CHFR: variants seen among roughly 807,000 people sequenced by gnomAD.
CHFR encodes E3 ubiquitin-protein ligase CHFR.
In CHFR, 57 loss-of-function variants were observed where a neutral mutation model predicts 87.6. The ratio of observed to expected loss-of-function variants is 0.65; its 90% CI spans 0.53 to 0.81. The LOEUF is 0.81. CHFR is among the 30% of genes least tolerant of loss of function. The pLI, the probability that CHFR is intolerant of heterozygous loss-of-function variation, is 0.00. For missense variants in CHFR, 797 were observed against 865.8 expected (o/e 0.92, Z 1.00); for synonymous variants, 381 against 359.2 (o/e 1.06, Z -0.69).
At chr12:132,886,373 C>T (rs201884962) in intron 2 of CHFR, among the ~76,000 whole-genome samples, 1 of 24,508 alleles carries the variant, frequency 4.1e-5, no homozygotes, top group Non-Finnish European at 2.4e-4. Flanking sequence ...GTGAAATTAA[C>T]CAAAAAAAAA....
At chr12:132,860,321 T>C (rs982911555) in intron 7 of CHFR, among the ~76,000 whole-genome samples, 33 of 152,354 alleles carry the variant, frequency 2.2e-4, no homozygotes, top group African/African-American at 7.7e-4. Flanking sequence ...TTCATGATAC[T>C]GTATTTGTAT....
Position 132,848,761 on chromosome 12 carries a change from C to T in CHFR, c.1493-37G>A, listed in dbSNP as rs74828084. The T allele has an allele frequency of 2.6e-3, 3,781 of 1,466,298 alleles. 84 individuals carry two copies. In the African/African-American group the frequency reaches 0.047, roughly 18 times the overall value. 90.8% of individuals were successfully genotyped at this position (1,466,298 alleles called of 1,614,324 possible). ...GGACACTCGTTACACGCACTCAGCG[C>T]TGAGGGCTGTCTCCAACACAATTCG... On this transcript the variant is annotated intron_variant, in intron 12 of 17. Coordinates refer to ENST00000450056, the MANE Select transcript of CHFR (RefSeq NM_001161346.2).
Position 132,841,455 on chromosome 12 carries a change from C to T in CHFR, c.*99G>A. On this transcript the variant is annotated 3_prime_UTR_variant, in exon 18 of 18. Coordinates refer to ENST00000450056, the MANE Select transcript of CHFR (RefSeq NM_001161346.2). ...GTCGGAGACCCTGCGTCCCTTCCCT[C>T]AGGGGGCTGTGAAAACACCTTGACG... The T allele has an allele frequency of 9.3e-7, 1 of 1,072,002 alleles. No individual in the cohort carries two copies. Among genetic ancestry groups the T allele is most frequent in the Non-Finnish European group, 1.5e-6 (1 of 687,630 alleles). 66.4% of individuals were successfully genotyped at this position (1,072,002 alleles called of 1,614,324 possible). A position where few individuals can be genotyped will look rare whatever the true frequency, so the allele number is the denominator to read the frequency against.
At chr12:132,880,112 T>C (rs1481768735) in intron 2 of CHFR, among the ~76,000 whole-genome samples, 2 of 152,126 alleles carry the variant, frequency 1.3e-5, no homozygotes, top group Non-Finnish European at 2.9e-5. Context: ...CAAAGCAATT[T>C]TGAAAAAGAA....
At chr12:132,866,055 G>T (rs1204566102) in intron 6 of CHFR, 2 of 152,220 alleles carry the variant, frequency 1.3e-5, no homozygotes, top group Non-Finnish European at 2.9e-5. Flanking sequence ...GTAAATCAAA[G>T]AGGCTCTGAG....
intron 2 of CHFR, among the ~76,000 whole-genome samples, chr12:132,878,834 A>G (rs1951695879): frequency 1.4e-5 from 1 of 72,062 alleles, no homozygotes; most frequent in African/African-American, 3.8e-5. Context: ...AAAAAAAAAG[A>G]AAAAAAAAAA....
chr12:132,874,289 G>C (rs1951564046), intron 3 of CHFR, among the ~76,000 whole-genome samples: 1 of 152,292 alleles, frequency 6.6e-6, no homozygotes, highest in Admixed American at 6.5e-5. Context: ...CCCTGAAGCA[G>C]GCGGGACGGC....
At chr12:132,861,919 C>A in intron 6 of CHFR, 1 of 398,724 alleles carries the variant, frequency 2.5e-6, no homozygotes. Context: ...CCGAGTCTAA[C>A]GCAGGGCAAA....
intron 6 of CHFR, chr12:132,866,697 C>T (rs537998604): frequency 6.6e-6 from 1 of 152,340 alleles, no homozygotes; most frequent in East Asian, 1.9e-4. Flanking sequence ...TGTTACAACA[C>T]ACCAGAATGT....
At chr12:132,880,552 G>A (rs889225215) in intron 2 of CHFR, among the ~76,000 whole-genome samples, 1 of 152,062 alleles carries the variant, frequency 6.6e-6, no homozygotes, top group African/African-American at 2.4e-5. Flanking sequence ...CAGCTACTCA[G>A]GAGGCTGAGG....
rs986590936 is a variant in CHFR, at chr12:132,861,759, A to C, written c.584-125T>G. 8.5e-6 allele frequency: 7 copies of C among 818,862 alleles called. No individual in the cohort carries two copies. In the Admixed American group the frequency reaches 1.0e-4, roughly 12 times the overall value. The allele number at this position is 818,862 out of a possible 1,614,324, so 50.7% of individuals were successfully genotyped here. Reference sequence around the variant, plus strand: ...CCTGAGATGTCGTAGTTTAGGAATGACAAGTGGCTTACGAGGAGTGTGTGC... The same window carrying C: ...CCTGAGATGTCGTAGTTTAGGAATGCCAAGTGGCTTACGAGGAGTGTGTGC... On this transcript the variant is annotated intron_variant, in intron 6 of 17. Transcript: ENST00000450056.
intron 2 of CHFR, among the ~76,000 whole-genome samples, chr12:132,882,768 C>G (rs1489146045): frequency 2.0e-5 from 3 of 151,716 alleles, no homozygotes; most frequent in Non-Finnish European, 2.9e-5. Flanking sequence ...TGCAGTGGAG[C>G]AATCACAGCT....
Position 132,869,632 on chromosome 12 carries a change from A to G in CHFR, c.570T>C (p.Arg190=). 1 of 1,551,620 alleles carries G rather than the reference A, an allele frequency of 6.4e-7. No individual in the cohort carries two copies. Among genetic ancestry groups the G allele is most frequent in the African/African-American group, 1.4e-5 (1 of 73,158 alleles). ...STEPSPAGRE[R]SSSCGSGGGG... is the part of the protein sequence containing the mutation. ...ATGTGACCTCACCACAACTGGAGGAACGCTCTCGCCCTGCAGGAGAAGGCT... is the reference window on the plus strand; with the variant it reads ...ATGTGACCTCACCACAACTGGAGGAGCGCTCTCGCCCTGCAGGAGAAGGCT... The change falls in exon 6 of 18, where the codon CGT becomes CGC. Residue 190 remains arginine, a synonymous_variant. Transcript: ENST00000450056.
chr12:132,851,783 G>GA, intron 11 of CHFR, 46 bp from the exon 12 acceptor site: 2 of 1,581,830 alleles, frequency 1.3e-6, no homozygotes, highest in South Asian at 2.3e-5. Context: ...ACCCAGGGCA[G>GA]AAAGACAGCA....
intron 10 of CHFR, 49 bp downstream of exon 10, chr12:132,856,419 A>C (rs1326648264): frequency 3.7e-6 from 6 of 1,601,602 alleles, no homozygotes; most frequent in Non-Finnish European, 5.1e-6. Context: ...CACGGTTGTG[A>C]TGCTCCTCTG....
intron 3 of CHFR, among the ~76,000 whole-genome samples, chr12:132,876,773 A>T (rs1414479401): frequency 6.6e-6 from 1 of 152,202 alleles, no homozygotes; most frequent in Non-Finnish European, 1.5e-5. Flanking sequence ...AATTAACTAC[A>T]GTCATGCCCC....
intron 2 of CHFR, among the ~76,000 whole-genome samples, chr12:132,878,430 C>T (rs987214673): frequency 6.6e-6 from 1 of 150,962 alleles, no homozygotes; most frequent in African/African-American, 2.4e-5. Context: ...GATCGCGCCA[C>T]TGCACTCCAG....
intron 9 of CHFR, 144 bp from the exon 10 acceptor site, chr12:132,856,774 A>T: frequency 1.1e-6 from 1 of 920,158 alleles, no homozygotes. Flanking sequence ...GTGCTGGTGG[A>T]GGGACTGCCC....
rs995186320 is a variant in CHFR, at chr12:132,837,592, A to G, written c.*3962T>C. 8 of 152,376 alleles carry G rather than the reference A, an allele frequency of 5.3e-5. No homozygotes were observed. Among genetic ancestry groups the G allele is most frequent in the African/African-American group, 1.9e-4 (8 of 41,456 alleles). 9.4% of individuals were successfully genotyped at this position (152,376 alleles called of 1,614,324 possible). A position where few individuals can be genotyped will look rare whatever the true frequency, so the allele number is the denominator to read the frequency against. On this transcript the variant is annotated 3_prime_UTR_variant, in exon 18 of 18. Coordinates refer to ENST00000450056, the MANE Select transcript of CHFR (RefSeq NM_001161346.2). ...TCACCTTTGTTTTCAGTGTAACTCA[A>G]TTCTAAGTGTAGAGGATGCTTGAAT...
Sources: gnomAD v4.1 joint callset for allele counts (sites outside exome capture counted in the v4.1 genomes callset) on GRCh38, gnomAD v4.1.1 for gene constraint, MANE v1.5 for transcripts, NCBI Gene and HGNC (gene_info 2026-07-23, HGNC 2026-07-21) for gene names.